The following ADAMTS17 variants were observed in gnomAD, a reference collection of about 807,000 sequenced individuals.
ADAMTS17 encodes the protein A disintegrin and metalloproteinase with thrombospondin motifs 17.
A neutral mutation model predicts 141.5 loss-of-function variants in ADAMTS17; 113 were observed. That is an observed-to-expected ratio of 0.80 (90% confidence interval 0.69 to 0.93). ADAMTS17 has a LOEUF of 0.93. ADAMTS17 is among the 40% of genes least tolerant of loss of function. The pLI, the probability that ADAMTS17 is intolerant of heterozygous loss-of-function variation, is 0.00. For missense variants in ADAMTS17, 1,659 were observed against 1,517.9 expected (o/e 1.09, Z -1.54); for synonymous variants, 768 against 630.6 (o/e 1.22, Z -3.27).
chr15:100,166,719 A>C (rs1224630866), intron 8 of ADAMTS17, among the ~76,000 whole-genome samples: 5 of 152,224 alleles, frequency 3.3e-5, no homozygotes. Context: ...GAGGGGCATG[A>C]ACCAGGTGGC....
Position 100,110,508 on chromosome 15 carries a change from C to T in ADAMTS17, c.1889-1392G>A, listed in dbSNP as rs770403226. On this transcript the variant is annotated intron_variant, in intron 13 of 21. Transcript: ENST00000268070. Reference sequence around the variant, plus strand: ...CTCGATCTCCTGACCTCGTGACTTGCCTGCCTCGGCCTCCCAAAGTGCTGG... The same window carrying T: ...CTCGATCTCCTGACCTCGTGACTTGTCTGCCTCGGCCTCCCAAAGTGCTGG... 1.0e-3 allele frequency among the ~76,000 whole-genome samples: 152 copies of T among 151,964 alleles called. 1 individual carries two copies. Among genetic ancestry groups the T allele is most frequent in the Non-Finnish European group, 1.9e-3 (126 of 68,014 alleles).
At chr15:100,158,096 C>A (rs1173549854) in intron 8 of ADAMTS17, among the ~76,000 whole-genome samples, 1 of 152,114 alleles carries the variant, frequency 6.6e-6, no homozygotes, top group Non-Finnish European at 1.5e-5. Flanking sequence ...ACCATGTTGG[C>A]CAGGATGGTC....
At chr15:100,310,177 TC>T in intron 3 of ADAMTS17, among the ~76,000 whole-genome samples, 1 of 151,992 alleles carries the variant, frequency 6.6e-6, no homozygotes, top group Non-Finnish European at 1.5e-5. Context: ...ATTAACTGCC[TC>T]CCAGAAAGGA....
intron 8 of ADAMTS17, among the ~76,000 whole-genome samples, chr15:100,167,428 T>A (rs2039992555): frequency 6.6e-6 from 1 of 152,178 alleles, no homozygotes; most frequent in African/African-American, 2.4e-5. Flanking sequence ...CCCTCCCAGA[T>A]GGTCGTGCGG....
intron 7 of ADAMTS17, among the ~76,000 whole-genome samples, chr15:100,225,840 A>T (rs2042290050): frequency 7.1e-6 from 1 of 140,838 alleles, no homozygotes; most frequent in African/African-American, 2.8e-5. Context: ...TCTCTGTGCC[A>T]TTCAGTCCTT....
At chr15:100,258,624 G>T (rs192106241) in intron 6 of ADAMTS17, among the ~76,000 whole-genome samples, 2 of 151,706 alleles carry the variant, frequency 1.3e-5, no homozygotes, top group African/African-American at 4.8e-5. Context: ...TCACGATCCC[G>T]AGAACAGCAC....
rs2060266744 is a variant in ADAMTS17 at position 99,973,991 on chromosome 15, G to GAATAAAGCCTTTAA, written c.*410_*411insTTAAAGGCTTTATT. The GAATAAAGCCTTTAA allele has an allele frequency of 3.1e-6, 1 of 324,628 alleles. No individual in the cohort carries two copies. Among genetic ancestry groups the GAATAAAGCCTTTAA allele is most frequent in the Non-Finnish European group, 5.9e-6 (1 of 168,914 alleles). The allele number at this position is 324,628 out of a possible 1,614,324, so 20.1% of individuals were successfully genotyped here. ...CCCTCCATGGTGTCGCCGGCTTTCA[G>GAATAAAGCCTTTAA]AATAAAGCCTTTTCTAGCATGTCTC... On this transcript the variant is annotated 3_prime_UTR_variant, in exon 22 of 22. Transcript: ENST00000268070.
chr15:100,210,388 A>T (rs891884250), intron 7 of ADAMTS17, among the ~76,000 whole-genome samples: 6 of 152,144 alleles, frequency 3.9e-5, no homozygotes, highest in Non-Finnish European at 5.9e-5. Flanking sequence ...ATCTCATTTT[A>T]TCCACACCAC....
chr15:100,199,421 T>C lies in ADAMTS17; in HGVS notation c.1078A>G (p.Ile360Val). 1.2e-6 allele frequency: 2 copies of C among 1,613,858 alleles called. No homozygotes were observed. The highest frequency in any genetic ancestry group is 8.5e-7 in the Non-Finnish European group (1 of 1,179,820). The change falls in exon 8 of 22, where the codon ATT (isoleucine) becomes GTT (valine). Residue 360 changes from isoleucine (I) to valine (V), a missense_variant and splice_region_variant. By Grantham distance (29) the Ile-to-Val change is conservative. Coordinates refer to ENST00000268070, the MANE Select transcript of ADAMTS17 (RefSeq NM_139057.4). ...CTGCACACACCTCCTAAGTAAGCAA[T>C]TCCTGCAGCAGAGACACAAAACACA... ...HKDEPCDTVG[I>V]AYLGGVCSAK...
intron 4 of ADAMTS17, among the ~76,000 whole-genome samples, chr15:100,265,101 A>G (rs1356326660): frequency 1.3e-5 from 2 of 152,160 alleles, no homozygotes; most frequent in East Asian, 3.9e-4. Flanking sequence ...CGTCCAAGAG[A>G]GCAGGTACCA....
intron 18 of ADAMTS17, among the ~76,000 whole-genome samples, chr15:100,014,582 G>C (rs2061251856): frequency 1.3e-5 from 2 of 152,126 alleles, no homozygotes; most frequent in Admixed American, 1.3e-4. Context: ...TCAGTTCTAA[G>C]AATTTTTAAA....
intron 12 of ADAMTS17, among the ~76,000 whole-genome samples, chr15:100,121,355 C>T (rs142851928): frequency 1.3e-5 from 2 of 152,160 alleles, no homozygotes; most frequent in East Asian, 1.9e-4. Flanking sequence ...CCAAGAAGCT[C>T]GAGAAATTCC....
intron 3 of ADAMTS17, among the ~76,000 whole-genome samples, chr15:100,327,999 T>C (rs1229121807): frequency 1.3e-5 from 2 of 152,132 alleles, no homozygotes; most frequent in Non-Finnish European, 2.9e-5. Flanking sequence ...ACTGAGTGCT[T>C]CATGGAGGAA....
At chr15:100,245,937 A>G (rs2042973789) in intron 7 of ADAMTS17, among the ~76,000 whole-genome samples, 1 of 152,136 alleles carries the variant, frequency 6.6e-6, no homozygotes, top group African/African-American at 2.4e-5. Context: ...TAGGTAAGAC[A>G]CATGCATCAC....
chr15:100,239,239 A>C (rs900548595), intron 7 of ADAMTS17, among the ~76,000 whole-genome samples: 2 of 152,256 alleles, frequency 1.3e-5, no homozygotes, highest in Non-Finnish European at 2.9e-5. Flanking sequence ...TGGAGAGAAC[A>C]GCAGCAGCTC....
chr15:100,263,000 G>T (rs1052554017), intron 4 of ADAMTS17, among the ~76,000 whole-genome samples: 1 of 152,128 alleles, frequency 6.6e-6, no homozygotes, highest in Non-Finnish European at 1.5e-5. Flanking sequence ...ATACACACGT[G>T]TGCAAACATA....
intron 4 of ADAMTS17, among the ~76,000 whole-genome samples, chr15:100,280,078 C>T (rs561998087): frequency 1.2e-4 from 19 of 152,246 alleles, no homozygotes; most frequent in Non-Finnish European, 2.5e-4. Flanking sequence ...CTACTCACTC[C>T]GCTACTTCAG....
rs570976467 is a variant in ADAMTS17, at chr15:100,336,458, C to A, written c.450+4581G>T. ...AAACTGTCTTTGCCCTTCTTCCATT[C>A]CTGCCAAAGTGCCCCTTAACATCCA... On this transcript the variant is annotated intron_variant, in intron 2 of 21. Transcript: ENST00000268070. 2.3e-4 allele frequency among the ~76,000 whole-genome samples: 35 copies of A among 152,320 alleles called. No homozygotes were observed. The South Asian group carries it at 3.5e-3, about 15-fold the overall frequency.
At chr15:100,267,864 C>T (rs1360461049) in intron 4 of ADAMTS17, among the ~76,000 whole-genome samples, 1 of 152,204 alleles carries the variant, frequency 6.6e-6, no homozygotes, top group East Asian at 1.9e-4. Flanking sequence ...AGCATTTATC[C>T]TTTGTCTTAC....
Sources: allele counts gnomAD v4.1 joint callset (sites outside exome capture counted in the v4.1 genomes callset), GRCh38; gene constraint gnomAD v4.1.1; transcripts MANE v1.5; gene names NCBI Gene and HGNC (gene_info 2026-07-23, HGNC 2026-07-21).